TRA2A: variants seen among roughly 807,000 people sequenced by gnomAD.
TRA2A encodes transformer-2 protein homolog alpha.
A neutral mutation model predicts 45.7 loss-of-function variants in TRA2A; 31 were observed. That is an observed-to-expected ratio of 0.68 (90% CI 0.51 to 0.92). TRA2A has a LOEUF of 0.92. Ranked by LOEUF, TRA2A falls within the 40% of genes least tolerant of loss-of-function variation. TRA2A has a pLI of 0.00. For synonymous variants in TRA2A, 132 were observed against 126.2 expected (o/e 1.05, Z -0.31); for missense variants, 304 against 367.5 (o/e 0.83, Z 1.41).
In TRA2A at chr7:23,513,037, A is replaced by G. The variant is rs2127993622; in HGVS notation, c.382T>C (p.Leu128=). ...NTCLGVFGLS[L]YTTERDLREV... is the part of the protein sequence containing the mutation. ...CGAAGATCCCTCTCTGTTGTGTACA[A>G]ACTGAGGCCAAACACTCCAAGGCAA... The change falls in exon 4 of 8, where the codon TTG becomes CTG. Residue 128 remains leucine, a synonymous_variant. Transcript: ENST00000297071. 1 of 1,613,536 alleles carries G rather than the reference A, an allele frequency of 6.2e-7. No homozygotes were observed. The highest frequency in any genetic ancestry group is 8.5e-7 in the Non-Finnish European group (1 of 1,179,744).
intron 1 of TRA2A, among the ~76,000 whole-genome samples, chr7:23,528,078 T>A (rs890207789): frequency 7.9e-5 from 12 of 152,214 alleles, no homozygotes; most frequent in African/African-American, 2.9e-4. Flanking sequence ...TACCCTTATG[T>A]AAGGTCAATT....
At chr7:23,516,994 G>T (rs1789903508) in intron 2 of TRA2A, among the ~76,000 whole-genome samples, 1 of 152,076 alleles carries the variant, frequency 6.6e-6, no homozygotes, top group South Asian at 2.1e-4. Context: ...TGTAATTCCA[G>T]CTACTTGGGA....
intron 2 of TRA2A, among the ~76,000 whole-genome samples, chr7:23,519,782 T>G (rs565084928): frequency 1.3e-5 from 2 of 152,112 alleles, no homozygotes; most frequent in African/African-American, 4.8e-5. Context: ...TGAAACACAA[T>G]AGGTGAACAA....
chr7:23,506,610 G>A, intron 5 of TRA2A: 1 of 242,086 alleles, frequency 4.1e-6, no homozygotes, highest in Non-Finnish European at 7.8e-6. Context: ...AATGAGACTG[G>A]TAAATAAATA....
At chr7:23,522,843 A>G (rs1790189935) in intron 1 of TRA2A, among the ~76,000 whole-genome samples, 1 of 152,198 alleles carries the variant, frequency 6.6e-6, no homozygotes, top group African/African-American at 2.4e-5. Flanking sequence ...ATCAAGATAT[A>G]GTTAGAGCAA....
At chr7:23,524,793 G>A (rs1399371029) in intron 1 of TRA2A, among the ~76,000 whole-genome samples, 1 of 151,872 alleles carries the variant, frequency 6.6e-6, no homozygotes, top group African/African-American at 2.4e-5. Flanking sequence ...CCGGATTCAA[G>A]CGATTCTCCT....
chr7:23,524,687 T>A (rs1790268740), intron 1 of TRA2A, among the ~76,000 whole-genome samples: 1 of 90,230 alleles, frequency 1.1e-5, no homozygotes, highest in South Asian at 4.1e-4. Context: ...CACTATGATT[T>A]TAACTATTTT....
intron 4 of TRA2A, 31 bp downstream of exon 4, chr7:23,512,863 C>T: frequency 1.3e-6 from 2 of 1,520,902 alleles, no homozygotes; most frequent in African/African-American, 1.4e-5. Flanking sequence ...TAATTCAGTA[C>T]TATAATCAGG....
chr7:23,518,521 T>C (rs1789989717), intron 2 of TRA2A, among the ~76,000 whole-genome samples: 1 of 152,008 alleles, frequency 6.6e-6, no homozygotes, highest in Non-Finnish European at 1.5e-5. Context: ...TTTGTGTTTT[T>C]AGTAGAGACG....
chr7:23,506,831 A>G (rs181892530), intron 5 of TRA2A, among the ~76,000 whole-genome samples: 24 of 152,258 alleles, frequency 1.6e-4, no homozygotes, highest in African/African-American at 5.1e-4. Context: ...GCTGGAGTGC[A>G]GTGGTGCGAT....
chr7:23,528,555 C>T (rs1304001602), intron 1 of TRA2A, among the ~76,000 whole-genome samples: 1 of 152,098 alleles, frequency 6.6e-6, no homozygotes, highest in Non-Finnish European at 1.5e-5. Flanking sequence ...TGATAGTCAT[C>T]ATCCCTATCA....
At chr7:23,531,122 T>G in intron 1 of TRA2A, 1 of 667,188 alleles carries the variant, frequency 1.5e-6, no homozygotes, top group Non-Finnish European at 1.9e-6. Flanking sequence ...CCTTGCGTAG[T>G]TTCCCCTCAC....
chr7:23,515,806 A>C (rs1296575040), intron 3 of TRA2A, among the ~76,000 whole-genome samples: 1 of 150,050 alleles, frequency 6.7e-6, no homozygotes, highest in Admixed American at 6.7e-5. Context: ...TTGGCCTCCC[A>C]AAGTGCTGGG....
intron 1 of TRA2A, among the ~76,000 whole-genome samples, chr7:23,529,902 G>A (rs1292179719): frequency 6.7e-6 from 1 of 148,316 alleles, no homozygotes; most frequent in Admixed American, 6.8e-5. Flanking sequence ...CAGGCTGGTA[G>A]GTGGGAATCT....
In TRA2A at chr7:23,513,013, G is replaced by A. The variant is rs1349998404; in HGVS notation, c.406C>T (p.Arg136Cys). 7 of 1,613,958 alleles carry A rather than the reference G, an allele frequency of 4.3e-6. No homozygotes were observed. The highest frequency in any genetic ancestry group is 1.1e-5 in the South Asian group (1 of 91,062). ...GGTCCATATCGAGAAAATACTTCAC[G>A]AAGATCCCTCTCTGTTGTGTACAAA... ...LSLYTTERDL[R>C]EVFSRYGPLS... is the part of the protein sequence containing the mutation. The change falls in exon 4 of 8, where the codon CGT becomes TGT. Residue 136 changes from arginine (R) to cysteine (C), a missense_variant. Around this residue, in one of 3 missense-constraint regions of TRA2A, gnomAD observed 130 missense variants for 217.1 expected, o/e 0.60. Transcript: ENST00000297071.
chr7:23,520,109 G>A (rs201385857), intron 2 of TRA2A, among the ~76,000 whole-genome samples: 9 of 152,212 alleles, frequency 5.9e-5, no homozygotes, highest in East Asian at 3.9e-4. Flanking sequence ...CCAGCTACTC[G>A]GGAGGCTGAG....
At chr7:23,531,489 C>G (rs536703225) in intron 1 of TRA2A, 2 of 469,746 alleles carry the variant, frequency 4.3e-6, no homozygotes, top group Non-Finnish European at 7.5e-6. Flanking sequence ...CACCTCGGAG[C>G]AGACATAAGG....
At chr7:23,525,740 C>T (rs1030008067) in intron 1 of TRA2A, among the ~76,000 whole-genome samples, 3 of 152,064 alleles carry the variant, frequency 2.0e-5, no homozygotes, top group Non-Finnish European at 4.4e-5. Context: ...TACAGGCACC[C>T]GCCATCGCAC....
At chr7:23,506,992 T>C (rs1007158161) in intron 5 of TRA2A, among the ~76,000 whole-genome samples, 3 of 152,104 alleles carry the variant, frequency 2.0e-5, no homozygotes, top group Non-Finnish European at 2.9e-5. Context: ...CCCGATCTCG[T>C]GATCTCGTGA....
Sources: allele counts gnomAD v4.1 joint callset (sites outside exome capture counted in the v4.1 genomes callset), GRCh38; gene constraint gnomAD v4.1.1; regional missense constraint gnomAD v4.1.1; transcripts MANE v1.5; gene names NCBI Gene and HGNC (gene_info 2026-07-23, HGNC 2026-07-21).